Variants in SS18L1 observed in about 807,000 individuals in gnomAD.
SS18L1 encodes SS18L1 subunit of BAF chromatin remodeling complex.
In SS18L1, 32 loss-of-function variants were observed where a neutral mutation model predicts 70.3. The ratio of observed to expected loss-of-function variants is 0.46; its 90% confidence interval spans 0.34 to 0.61. SS18L1 has a LOEUF of 0.61. Ranked by LOEUF, SS18L1 falls within the 20% of genes least tolerant of loss-of-function variation. The pLI is 0.01. For synonymous variants in SS18L1, 237 were observed against 229.7 expected (o/e 1.03, Z -0.29); for missense variants, 430 against 542.1 (o/e 0.79, Z 2.05).
chr20:62,176,724 A>T (rs2057625790), intron 10 of SS18L1, among the ~76,000 whole-genome samples: 1 of 151,540 alleles, frequency 6.6e-6, no homozygotes, highest in Admixed American at 6.6e-5. Flanking sequence ...AATCGCTTGA[A>T]CCGGGAAGGC....
rs2057690157 is a variant in SS18L1, at chr20:62,180,531, A to C, written c.*1323A>C. On this transcript the variant is annotated 3_prime_UTR_variant, in exon 11 of 11. Coordinates refer to ENST00000331758, the MANE Select transcript of SS18L1 (RefSeq NM_198935.3). ...CCAAGAACTACCAAGAAAATACAAG[A>C]GATATCCAATGCTTGATATATGAGG... is the stretch of plus-strand genomic sequence containing the variant. The C allele has an allele frequency of 5.5e-6, 1 of 180,296 alleles. No individual in the cohort carries two copies. Among genetic ancestry groups the C allele is most frequent in the African/African-American group, 2.4e-5 (1 of 42,402 alleles). The allele number at this position is 180,296 out of a possible 1,614,324, so 11.2% of individuals were successfully genotyped here.
chr20:62,180,117 C>A lies in SS18L1; in HGVS notation c.*909C>A. 4.8e-6 allele frequency: 1 copy of A among 209,140 alleles called. No individual in the cohort carries two copies. Among genetic ancestry groups the A allele is most frequent in the Non-Finnish European group, 9.7e-6 (1 of 102,932 alleles). The allele number at this position is 209,140 out of a possible 1,614,324, so 13.0% of individuals were successfully genotyped here. On this transcript the variant is annotated 3_prime_UTR_variant, in exon 11 of 11. Transcript: ENST00000331758. The stretch of plus-strand genomic sequence containing the variant: ...TGATAGGTAATTTTAAATATTCAAA[C>A]CAAATCTTCCCAACAGTTGGCAAGT...
intron 1 of SS18L1, among the ~76,000 whole-genome samples, chr20:62,155,400 G>C (rs113510556): frequency 1.3e-5 from 2 of 152,208 alleles, no homozygotes; most frequent in African/African-American, 4.8e-5. Context: ...GTGACAGAGC[G>C]AGACCCTGTC....
rs138279485 is a variant in SS18L1 at position 62,172,728 on chromosome 20, C to T, written c.963C>T (p.Ala321=). ...SQQQAGYQQG[A]AQQQTYSQQQ... is the part of the protein sequence containing the mutation. ...AGCAGGCCGGGTACCAGCAGGGTGCCGCGCAGCAGCAGACGTACTCCCAGC... is the reference window on the plus strand; with the variant it reads ...AGCAGGCCGGGTACCAGCAGGGTGCTGCGCAGCAGCAGACGTACTCCCAGC... Residue 321 remains alanine (A), a synonymous_variant, in exon 9 of 11, where the codon GCC becomes GCT. Transcript: ENST00000331758. 2.4e-5 allele frequency: 39 copies of T among 1,614,068 alleles called. No homozygotes were observed. Among genetic ancestry groups the T allele is most frequent in the African/African-American group, 1.1e-4 (8 of 75,032 alleles).
chr20:62,181,479 T>C lies in SS18L1; in HGVS notation c.*2271T>C. On this transcript the variant is annotated 3_prime_UTR_variant, in exon 11 of 11. Transcript: ENST00000331758. The stretch of plus-strand genomic sequence containing the variant: ...CTGGGAATATGCCTTTTTTGTGTGT[T>C]TGTGTGTTTTTTTAAGTGCTGTATT... The C allele has an allele frequency of 4.7e-6, 1 of 212,198 alleles. No homozygotes were observed. The highest frequency in any genetic ancestry group is 9.6e-6 in the Non-Finnish European group (1 of 104,602). The allele number at this position is 212,198 out of a possible 1,614,324, so 13.1% of individuals were successfully genotyped here.
At chr20:62,163,127 C>T (rs1158855360) in intron 5 of SS18L1, among the ~76,000 whole-genome samples, 196 bp downstream of exon 5, 2 of 152,196 alleles carry the variant, frequency 1.3e-5, no homozygotes, top group Non-Finnish European at 2.9e-5. Flanking sequence ...ACGATCAACT[C>T]CTCCTGTCCC....
chr20:62,157,492 C>T lies in SS18L1; in HGVS notation c.70-1180C>T, dbSNP rs185139142. 3.8e-3 allele frequency among the ~76,000 whole-genome samples: 582 copies of T among 152,330 alleles called. 5 individuals are homozygous for T. Among genetic ancestry groups the T allele is most frequent in the African/African-American group, 0.013 (560 of 41,570 alleles). On this transcript the variant is annotated intron_variant, in intron 1 of 10. Transcript: ENST00000331758. ...TTCCTGGCAGTGCCCATCTTGAGCG[C>T]AGACCGTGCTTGGCGGAGTGTATGC...
chr20:62,144,448 C>T (rs1274324072), intron 1 of SS18L1, among the ~76,000 whole-genome samples: 1 of 152,226 alleles, frequency 6.6e-6, no homozygotes, highest in Non-Finnish European at 1.5e-5. Flanking sequence ...TGGAGCGAGG[C>T]GCGAACGATG....
chr20:62,151,788 G>A lies in SS18L1; in HGVS notation c.70-6884G>A, dbSNP rs73309136. ...CCCCCACAATGGGCACAGGACTCCTGTCCCCCAGCAGCCCCCGTTCCCCTC... is the reference window on the plus strand; with the variant it reads ...CCCCCACAATGGGCACAGGACTCCTATCCCCCAGCAGCCCCCGTTCCCCTC... On this transcript the variant is annotated intron_variant, in intron 1 of 10. Coordinates refer to ENST00000331758, the MANE Select transcript of SS18L1 (RefSeq NM_198935.3). Among the ~76,000 whole-genome samples, 667 of 151,950 alleles carry A rather than the reference G, an allele frequency of 4.4e-3. 7 individuals carry two copies. Among genetic ancestry groups the A allele is most frequent in the African/African-American group, 0.015 (623 of 41,394 alleles).
chr20:62,172,863 G>A lies in SS18L1; in HGVS notation c.1036+62G>A, dbSNP rs55710234. On this transcript the variant is annotated intron_variant, in intron 9 of 10. Transcript: ENST00000331758. ...CCCACCCCTGCCCCTGCCACACATGGGTACGTGCTCAGTACCCCAGCCAGC... is the reference window on the plus strand; with the variant it reads ...CCCACCCCTGCCCCTGCCACACATGAGTACGTGCTCAGTACCCCAGCCAGC... 5.7e-6 allele frequency: 9 copies of A among 1,583,942 alleles called. No individual in the cohort carries two copies. In the East Asian group the frequency reaches 1.4e-4, roughly 25 times the overall value.
chr20:62,146,995 G>A (rs891356790), intron 1 of SS18L1, among the ~76,000 whole-genome samples: 8 of 152,214 alleles, frequency 5.3e-5, no homozygotes, highest in Admixed American at 4.6e-4. Context: ...GCATGACCCC[G>A]TCTTTATTTC....
intron 10 of SS18L1, among the ~76,000 whole-genome samples, chr20:62,177,875 T>C (rs6062125): frequency 0.087 from 13,228 of 151,614 alleles, 708 homozygotes; most frequent in South Asian, 0.2. Context: ...GCACGTACTA[T>C]CACACCTGGC....
intron 1 of SS18L1, among the ~76,000 whole-genome samples, chr20:62,153,206 A>C (rs1273436876): frequency 6.6e-6 from 1 of 152,210 alleles, no homozygotes; most frequent in Non-Finnish European, 1.5e-5. Context: ...ACTCACCATC[A>C]CAAGAACTGC....
chr20:62,163,243 A>C (rs1265737713), intron 5 of SS18L1, among the ~76,000 whole-genome samples: 5 of 151,982 alleles, frequency 3.3e-5, no homozygotes, highest in African/African-American at 1.2e-4. Context: ...GGGCTCTCAG[A>C]GGTGGGGTAG....
intron 1 of SS18L1, among the ~76,000 whole-genome samples, chr20:62,152,969 TGTTA>T (rs1352690733): frequency 1.3e-5 from 2 of 152,136 alleles, no homozygotes; most frequent in Admixed American, 1.3e-4. Flanking sequence ...TGGGCGTGTG[TGTTA>T]GTTGTTCTTA....
chr20:62,149,166 A>G (rs960971382), intron 1 of SS18L1, among the ~76,000 whole-genome samples: 8 of 152,216 alleles, frequency 5.3e-5, no homozygotes, highest in African/African-American at 1.9e-4. Flanking sequence ...GCCCGTCCCC[A>G]GTGGATGCAG....
At chr20:62,154,678 T>G (rs2057190919) in intron 1 of SS18L1, among the ~76,000 whole-genome samples, 1 of 152,214 alleles carries the variant, frequency 6.6e-6, no homozygotes. Context: ...AACCTGGTTT[T>G]TCTCTCCTGT....
At chr20:62,151,976 C>T (rs11204460) in intron 1 of SS18L1, among the ~76,000 whole-genome samples, 88,365 of 140,756 alleles carry the variant, frequency 0.63, 31,773 homozygotes, top group East Asian at 0.79. Flanking sequence ...CCTCTTTTCC[C>T]GGTCCCCAGG....
rs2057410795 is a variant in SS18L1 at position 62,165,475 on chromosome 20, C to A, written c.877C>A (p.Arg293=). ...QSSYTEQSYD[R]SFEESTQHYY... is the part of the protein sequence containing the mutation. ...ATCCTACACGGAGCAGAGCTACGAC[C>A]GGTCCTTCGAGGAGTCCACGCAGCA... The change falls in exon 8 of 11, where the codon CGG becomes AGG. Residue 293 remains arginine, a synonymous_variant. Transcript: ENST00000331758. 1 of 1,613,134 alleles carries A rather than the reference C, an allele frequency of 6.2e-7. No individual in the cohort carries two copies. Among genetic ancestry groups the A allele is most frequent in the East Asian group, 2.2e-5 (1 of 44,864 alleles).
Sources: gnomAD v4.1 joint callset for allele counts (sites outside exome capture counted in the v4.1 genomes callset) on GRCh38, gnomAD v4.1.1 for gene constraint, MANE v1.5 for transcripts, NCBI Gene and HGNC (gene_info 2026-07-23, HGNC 2026-07-21) for gene names.